The following SHISA6 variants were observed in gnomAD, a reference collection of about 807,000 sequenced individuals.
The protein encoded by SHISA6 is protein shisa-6.
In SHISA6, 22 loss-of-function variants were observed where a neutral mutation model predicts 47.9. The observed-to-expected ratio is 0.46, with a 90% confidence interval of 0.33 to 0.66. The LOEUF (loss-of-function observed/expected upper bound fraction) is 0.66. Among genes scored for constraint, SHISA6 ranks in the 30% least tolerant of loss-of-function variants. SHISA6 has a pLI of 0.02. For synonymous variants in SHISA6, 388 were observed against 337.8 expected (o/e 1.15, Z -1.63); for missense variants, 680 against 764.6 (o/e 0.89, Z 1.30).
chr17:11,321,478 A>C (rs547045725), intron 2 of SHISA6, among the ~76,000 whole-genome samples: 1 of 152,336 alleles, frequency 6.6e-6, no homozygotes, highest in South Asian at 2.1e-4. Context: ...GCATCTTTCT[A>C]CTTGTAGCTT....
chr17:11,269,414 G>A (rs1030180931), intron 2 of SHISA6, among the ~76,000 whole-genome samples: 1 of 152,162 alleles, frequency 6.6e-6, no homozygotes, highest in Non-Finnish European at 1.5e-5. Context: ...ATGGGTCAGC[G>A]CAGCCAGGGA....
intron 3 of SHISA6, among the ~76,000 whole-genome samples, chr17:11,399,825 T>C (rs1913703654): frequency 6.6e-6 from 1 of 152,196 alleles, no homozygotes; most frequent in Non-Finnish European, 1.5e-5. Flanking sequence ...TAGCAAATGA[T>C]GATGTAACTC....
intron 4 of SHISA6, among the ~76,000 whole-genome samples, chr17:11,554,300 ACCCTCCACC>A (rs1198343979): frequency 1.3e-5 from 2 of 151,910 alleles, no homozygotes; most frequent in Non-Finnish European, 2.9e-5. Flanking sequence ...GATGTAGAGC[ACCCTCCACC>A]CCCTCACATA....
intron 3 of SHISA6, among the ~76,000 whole-genome samples, chr17:11,431,746 G>T (rs1365640813): frequency 6.6e-6 from 1 of 152,114 alleles, no homozygotes; most frequent in Non-Finnish European, 1.5e-5. Flanking sequence ...ACACACCCGG[G>T]CATGGGGTAC....
At chr17:11,354,261 G>A (rs915789343) in intron 2 of SHISA6, among the ~76,000 whole-genome samples, 1 of 152,142 alleles carries the variant, frequency 6.6e-6, no homozygotes, top group Non-Finnish European at 1.5e-5. Flanking sequence ...GGATTCAGTA[G>A]GCCCAGGGTG....
chr17:11,427,139 T>C (rs1914630727), intron 3 of SHISA6, among the ~76,000 whole-genome samples: 1 of 152,130 alleles, frequency 6.6e-6, no homozygotes, highest in Non-Finnish European at 1.5e-5. Flanking sequence ...GTTGTTGTTG[T>C]TGTTGTTGTT....
rs140048538 is a variant in SHISA6 at position 11,546,642 on chromosome 17, C to T, written c.896-5254C>T. Among the ~76,000 whole-genome samples the T allele has an allele frequency of 5.2e-3, 791 of 152,158 alleles. 5 individuals carry two copies. The highest frequency in any genetic ancestry group is 7.7e-3 in the Non-Finnish European group (527 of 68,018). ...GGCATTAAATAGGACAGAAAGGGGCCAGTCGCAGTGGCTCATGCCTGGAAT... is the reference window on the plus strand; with the variant it reads ...GGCATTAAATAGGACAGAAAGGGGCTAGTCGCAGTGGCTCATGCCTGGAAT... On this transcript the variant is annotated intron_variant, in intron 3 of 5. Coordinates refer to ENST00000441885, the MANE Select transcript of SHISA6 (RefSeq NM_207386.4).
rs202086575 is a variant in SHISA6, at chr17:11,559,109, T to C, written c.*805T>C. On this transcript the variant is annotated 3_prime_UTR_variant, in exon 6 of 6. Transcript: ENST00000441885. This position sits in a 1 kb window ranked among gnomAD's most constrained non-coding sequence, Gnocchi z 4.4. ...TCCCTGGCCCTGAGGATTTCACCCT[T>C]GAGTTTTCTGGGGTTTTGGCTGTAG... 6.5e-6 allele frequency: 1 copy of C among 153,148 alleles called. No homozygotes were observed. Among genetic ancestry groups the C allele is most frequent in the East Asian group, 1.9e-4 (1 of 5,194 alleles). 9.5% of individuals were successfully genotyped at this position (153,148 alleles called of 1,614,324 possible). A position where few individuals can be genotyped will look rare whatever the true frequency, so the allele number is the denominator to read the frequency against.
At chr17:11,399,877 G>T (rs1239750864) in intron 3 of SHISA6, among the ~76,000 whole-genome samples, 1 of 152,070 alleles carries the variant, frequency 6.6e-6, no homozygotes, top group African/African-American at 2.4e-5. Flanking sequence ...ACTGTCAAAG[G>T]TCCCTGAGAA....
At chr17:11,367,537 C>G (rs559147218) in intron 2 of SHISA6, among the ~76,000 whole-genome samples, 6 of 152,260 alleles carry the variant, frequency 3.9e-5, no homozygotes, top group African/African-American at 7.2e-5. Flanking sequence ...GCACAATTCC[C>G]AAGAGGTGAG....
intron 3 of SHISA6, among the ~76,000 whole-genome samples, chr17:11,515,241 T>TA (rs2071572945): frequency 1.2e-5 from 1 of 80,480 alleles, no homozygotes; most frequent in Non-Finnish European, 2.4e-5. Flanking sequence ...AGACTCTTTC[T>TA]CAAAAAAAAA....
At position 11,506,841 on chromosome 17, in the gene SHISA6, C is replaced by T. The variant is rs138742925; in HGVS notation, c.896-45055C>T. Among the ~76,000 whole-genome samples, 43 of 152,314 alleles carry T rather than the reference C, an allele frequency of 2.8e-4. No homozygotes were observed. The East Asian group carries it at 6.4e-3, about 23-fold the overall frequency. On this transcript the variant is annotated intron_variant, in intron 3 of 5. Transcript: ENST00000441885. ...CAAAGTTCAGGACCTAGGACAGCAC[C>T]GTCGCCCCAACTGACTCCCAGGCTA...
At chr17:11,370,596 G>A (rs1912603698) in intron 2 of SHISA6, among the ~76,000 whole-genome samples, 2 of 152,242 alleles carry the variant, frequency 1.3e-5, no homozygotes, top group Middle Eastern at 6.8e-3. Context: ...TGCATTCTAG[G>A]TTCTTAGTCC....
rs1555527561 is a variant in SHISA6, at chr17:11,311,298, A to AAAAAAC, written c.799+47774_799+47775insAAACAA. 3.4e-4 allele frequency among the ~76,000 whole-genome samples: 45 copies of AAAAAAC among 133,198 alleles called. 2 individuals carry two copies. Among genetic ancestry groups the AAAAAAC allele is most frequent in the Non-Finnish European group, 3.7e-4 (24 of 64,002 alleles). 87.4% of individuals were successfully genotyped at this position (133,198 alleles called of 152,430 possible). A position where few individuals can be genotyped will look rare whatever the true frequency, so the allele number is the denominator to read the frequency against. On this transcript the variant is annotated intron_variant, in intron 2 of 5. Coordinates refer to ENST00000441885, the MANE Select transcript of SHISA6 (RefSeq NM_207386.4). ...CTTCGTCAAAAAAAAAAAAAAAAAA[A>AAAAAAC]AACCGACAAACAAAAAAAATCACCT...
intron 2 of SHISA6, among the ~76,000 whole-genome samples, chr17:11,295,419 G>A (rs1342058125): frequency 1.3e-5 from 2 of 152,152 alleles, no homozygotes; most frequent in Non-Finnish European, 2.9e-5. Context: ...TACAGTCAGT[G>A]GGGGAGACAG....
intron 2 of SHISA6, among the ~76,000 whole-genome samples, chr17:11,284,368 T>G (rs1433388145): frequency 6.6e-6 from 1 of 152,206 alleles, no homozygotes; most frequent in Non-Finnish European, 1.5e-5. Context: ...GGCTTCCATC[T>G]TTATGCTTGT....
intron 2 of SHISA6, among the ~76,000 whole-genome samples, chr17:11,347,043 TG>T: frequency 6.6e-6 from 1 of 152,302 alleles, no homozygotes; most frequent in East Asian, 1.9e-4. Context: ...GCTATGTAGC[TG>T]CAAAGTTCCT....
chr17:11,324,039 C>T (rs1035294440), intron 2 of SHISA6, among the ~76,000 whole-genome samples: 7 of 152,126 alleles, frequency 4.6e-5, no homozygotes, highest in African/African-American at 1.7e-4. Context: ...AGCGTGCACA[C>T]CCAGCGGTAT....
intron 3 of SHISA6, among the ~76,000 whole-genome samples, chr17:11,513,234 A>C (rs2071556571): frequency 6.6e-6 from 1 of 151,080 alleles, no homozygotes; most frequent in South Asian, 2.1e-4. Flanking sequence ...TATATATAGT[A>C]TATATACATA....
Sources: allele counts gnomAD v4.1 joint callset (sites outside exome capture counted in the v4.1 genomes callset), GRCh38; gene constraint gnomAD v4.1.1; non-coding constraint Gnocchi (gnomAD v3.1); transcripts MANE v1.5; gene names NCBI Gene and HGNC (gene_info 2026-07-23, HGNC 2026-07-21).